Variants in SYT1 observed in about 807,000 individuals in gnomAD.
The protein encoded by SYT1 is synaptotagmin-1.
SYT1 carries 8 observed loss-of-function variants against 44.8 expected under a neutral mutation model. The observed-to-expected ratio is 0.18, with a 90% confidence interval of 0.10 to 0.32. The LOEUF is 0.32. Among genes scored for constraint, SYT1 ranks in the 10% least tolerant of loss-of-function variants. The pLI is 1.00. For missense variants in SYT1, 286 were observed against 509.3 expected, an observed-to-expected ratio of 0.56 and a Z score of 4.22; for synonymous variants, 154 against 188.8, an observed-to-expected ratio of 0.82 and a Z score of 1.51.
At chr12:79,348,665 C>T (rs572278879) in intron 8 of SYT1, among the ~76,000 whole-genome samples, 17 of 152,096 alleles carry the variant, frequency 1.1e-4, no homozygotes, top group Non-Finnish European at 2.4e-4. Flanking sequence ...GGTCTTTAAT[C>T]AGACTACTTC....
At chr12:79,368,518 T>A (rs1883647040) in intron 9 of SYT1, among the ~76,000 whole-genome samples, 1 of 149,912 alleles carries the variant, frequency 6.7e-6, no homozygotes. Context: ...CCACCAACAG[T>A]GTAAAAGTGT....
intron 1 of SYT1, among the ~76,000 whole-genome samples, chr12:78,935,957 A>G (rs532568919): frequency 2.7e-3 from 411 of 152,262 alleles, no homozygotes; most frequent in Non-Finnish European, 4.2e-3. Context: ...CTCATAAAGT[A>G]TTTCCAAGTA....
chr12:79,351,958 A>G (rs941317541), intron 8 of SYT1, among the ~76,000 whole-genome samples: 1 of 152,118 alleles, frequency 6.6e-6, no homozygotes, highest in African/African-American at 2.4e-5. Context: ...ACATATACAC[A>G]CTGAGACAAA....
chr12:79,394,342 GA>G (rs1191487003), intron 9 of SYT1, among the ~76,000 whole-genome samples: 2 of 152,082 alleles, frequency 1.3e-5, no homozygotes, highest in Non-Finnish European at 2.9e-5. Flanking sequence ...TTACTGGGAA[GA>G]AAAAATTGAA....
chr12:78,930,341 T>C (rs1189397657), intron 1 of SYT1, among the ~76,000 whole-genome samples: 1 of 151,964 alleles, frequency 6.6e-6, no homozygotes, highest in Non-Finnish European at 1.5e-5. Context: ...ATGTTGAAAA[T>C]TGAAGGCAGA....
intron 1 of SYT1, among the ~76,000 whole-genome samples, chr12:78,927,869 C>A (rs946320698): frequency 6.6e-6 from 1 of 152,066 alleles, no homozygotes; most frequent in African/African-American, 2.4e-5. Flanking sequence ...CAAAATGATG[C>A]TTCTATTTGC....
intron 8 of SYT1, among the ~76,000 whole-genome samples, chr12:79,334,072 T>C (rs1881979289): frequency 2.6e-5 from 4 of 152,092 alleles, no homozygotes; most frequent in African/African-American, 9.7e-5. Context: ...TCTTAACTCT[T>C]CAAAAAAAAG....
chr12:79,297,203 G>T (rs571146558), intron 7 of SYT1, among the ~76,000 whole-genome samples: 1 of 152,142 alleles, frequency 6.6e-6, no homozygotes, highest in Non-Finnish European at 1.5e-5. Context: ...TCAAGACAAA[G>T]GTCCCTCATG....
chr12:79,422,086 T>C (rs1180602679), intron 9 of SYT1, among the ~76,000 whole-genome samples: 1 of 152,108 alleles, frequency 6.6e-6, no homozygotes, highest in East Asian at 1.9e-4. Context: ...TTTGCAGCCA[T>C]GTTTATTTTG....
chr12:79,141,795 T>C (rs111623481), intron 3 of SYT1, among the ~76,000 whole-genome samples: 12 of 152,224 alleles, frequency 7.9e-5, no homozygotes, highest in African/African-American at 2.9e-4. Context: ...CCACAATTTT[T>C]TTCTGTCTTA....
At chr12:79,404,816 C>T (rs1885189463) in intron 9 of SYT1, among the ~76,000 whole-genome samples, 1 of 152,170 alleles carries the variant, frequency 6.6e-6, no homozygotes. Context: ...TTTATATCAG[C>T]TATCACGAAA....
chr12:79,093,584 A>G (rs1877923235), intron 3 of SYT1, among the ~76,000 whole-genome samples: 1 of 151,672 alleles, frequency 6.6e-6, no homozygotes, highest in African/African-American at 2.4e-5. Context: ...ATTTTATTCA[A>G]CTTTAGTCAG....
chr12:78,914,256 A>T (rs1190764129), intron 1 of SYT1, among the ~76,000 whole-genome samples: 1 of 151,844 alleles, frequency 6.6e-6, no homozygotes, highest in East Asian at 1.9e-4. Context: ...CAGTGAAGAT[A>T]CCCTGGAAAC....
At chr12:78,875,185 G>A (rs1874002462) in intron 1 of SYT1, among the ~76,000 whole-genome samples, 1 of 151,446 alleles carries the variant, frequency 6.6e-6, no homozygotes, top group Admixed American at 6.6e-5. Context: ...TATCTTTGTT[G>A]TACTCTGAAT....
At chr12:78,905,137 G>C (rs909142064) in intron 1 of SYT1, among the ~76,000 whole-genome samples, 1 of 152,120 alleles carries the variant, frequency 6.6e-6, no homozygotes, top group Non-Finnish European at 1.5e-5. Context: ...TTCTAATCTT[G>C]AGAAATGTCT....
chr12:79,343,579 T>C (rs1424524472), intron 8 of SYT1, among the ~76,000 whole-genome samples: 1 of 152,180 alleles, frequency 6.6e-6, no homozygotes, highest in Non-Finnish European at 1.5e-5. Context: ...ATAGAGTCCA[T>C]GTTGTTACAA....
At chr12:79,018,913 G>A (rs1380430950) in intron 2 of SYT1, among the ~76,000 whole-genome samples, 1 of 130,496 alleles carries the variant, frequency 7.7e-6, no homozygotes, top group East Asian at 2.6e-4. Flanking sequence ...AATAATATCT[G>A]CCTCATAATT....
At chr12:78,956,207 C>A (rs1592602670) in intron 1 of SYT1, among the ~76,000 whole-genome samples, 1 of 151,962 alleles carries the variant, frequency 6.6e-6, no homozygotes, top group African/African-American at 2.4e-5. Context: ...GCAGAATGTG[C>A]ATTTAATAAA....
intron 3 of SYT1, among the ~76,000 whole-genome samples, chr12:79,122,280 C>A (rs1282317023): frequency 3.3e-5 from 5 of 151,510 alleles, no homozygotes; most frequent in Admixed American, 2.0e-4. Context: ...TTTGGGAGGC[C>A]GAGGCGGGCG....
Sources: gnomAD v4.1 joint callset for allele counts (sites outside exome capture counted in the v4.1 genomes callset) on GRCh38, gnomAD v4.1.1 for gene constraint, MANE v1.5 for transcripts, NCBI Gene and HGNC (gene_info 2026-07-23, HGNC 2026-07-21) for gene names.